The following PHF20L1 variants were observed in gnomAD, a reference collection of about 807,000 sequenced individuals.
PHF20L1 encodes the protein PHD finger protein 20-like protein 1.
A neutral mutation model predicts 125.5 loss-of-function variants in PHF20L1; 44 were observed. That is an observed-to-expected ratio of 0.35 (90% CI 0.28 to 0.45). The LOEUF is 0.45. Among genes scored for constraint, PHF20L1 ranks in the 20% least tolerant of loss-of-function variants. The pLI, the probability that PHF20L1 is intolerant of heterozygous loss-of-function variation, is 1.00. For synonymous variants in PHF20L1, 380 were observed against 403.1 expected (o/e 0.94, Z 0.69); for missense variants, 1,012 against 1,217.2 (o/e 0.83, Z 2.51).
chr8:132,805,869 T>C lies in PHF20L1; in HGVS notation c.847+1129T>C, dbSNP rs1833629667. 2.6e-5 allele frequency among the ~76,000 whole-genome samples: 4 copies of C among 152,134 alleles called. No homozygotes were observed. In the South Asian group the frequency reaches 8.3e-4, roughly 31 times the overall value. ...TGCCTGTCTCTGATAAAGGATATAC[T>C]TGGCCCCAGGAGAGGAAATATTTTA... On this transcript the variant is annotated intron_variant, in intron 8 of 20. Transcript: ENST00000395386.
intron 2 of PHF20L1, among the ~76,000 whole-genome samples, chr8:132,792,569 T>G (rs1043610963): frequency 6.6e-6 from 1 of 152,184 alleles, no homozygotes; most frequent in Admixed American, 6.5e-5. Context: ...AATGAGCAAA[T>G]TGCCTTTCTT....
chr8:132,824,032 AT>A lies in PHF20L1; in HGVS notation c.1610del (p.Leu537TrpfsTer65). 1 of 1,601,770 alleles carries A rather than the reference AT, an allele frequency of 6.2e-7. No homozygotes were observed. The highest frequency in any genetic ancestry group is 8.5e-7 in the Non-Finnish European group (1 of 1,171,088). On this transcript the variant is annotated frameshift_variant, in exon 13 of 21. Transcript: ENST00000395386. LOFTEE classifies it high-confidence loss of function. ...TATCGAAAACAGAAAAAAAAGTGAA[AT>A]TGGAAGACAAAAGCTCAACAGCATT... is the stretch of plus-strand genomic sequence containing the variant. ...GISKTEKKVK[L>X]EDKSSTAFGK...
Position 132,811,063 on chromosome 8 carries a change from G to A in PHF20L1, c.865G>A (p.Ala289Thr). 1 of 1,608,476 alleles carries A rather than the reference G, an allele frequency of 6.2e-7. No individual in the cohort carries two copies. The highest frequency in any genetic ancestry group is 8.5e-7 in the Non-Finnish European group (1 of 1,175,010). Residue 289 changes from alanine (A) to threonine (T), a missense_variant, in exon 9 of 21, where the codon GCT becomes ACT. Physicochemically the swap from Ala to Thr is moderately conservative, Grantham distance 58. Transcript: ENST00000395386. ...NKITGLLASK[A>T]VGVDGAEKKE... is the part of the protein sequence containing the mutation. ...TTCTCAAGGTTTGTTGGCATCCAAA[G>A]CTGTTGGGGTTGATGGTGCTGAAAA...
chr8:132,812,091 A>G (rs898276206), intron 9 of PHF20L1: 8 of 979,836 alleles, frequency 8.2e-6, no homozygotes, highest in African/African-American at 3.5e-5. Context: ...AAATTGATTA[A>G]TATGTCATTG....
rs1156805098 is a variant in PHF20L1 at position 132,804,684 on chromosome 8, A to G, written c.791A>G (p.Lys264Arg). The change falls in exon 8 of 21, where the codon AAA (lysine) becomes AGA (arginine). Residue 264 changes from lysine to arginine, a missense_variant. Physicochemically the swap from Lys to Arg is conservative, Grantham distance 26. This residue lies in a region of PHF20L1 where 134 missense variants were observed against 145.9 expected (regional missense o/e 0.92). Coordinates refer to ENST00000395386, the MANE Select transcript of PHF20L1 (RefSeq NM_016018.5). ...QPESTLSNKR[K>R]NNQGNSFQAK... ...GAGAGCACATTATCAAACAAGAGGA[A>G]AAATAATCAAGGCAACTCGTTTCAG... The G allele has an allele frequency of 1.9e-6, 3 of 1,610,624 alleles. No individual in the cohort carries two copies. Among genetic ancestry groups the G allele is most frequent in the Middle Eastern group, 3.3e-4 (2 of 6,062 alleles).
At chr8:132,826,665 A>C (rs1396345387) in intron 14 of PHF20L1, 1 of 152,080 alleles carries the variant, frequency 6.6e-6, no homozygotes, top group Admixed American at 6.6e-5. Flanking sequence ...AAGCATAAAG[A>C]AAAACTAGAG....
intron 8 of PHF20L1, 130 bp downstream of exon 8, chr8:132,804,870 T>C: frequency 3.8e-6 from 3 of 782,494 alleles, no homozygotes; most frequent in Non-Finnish European, 6.1e-6. Flanking sequence ...ACAATTACTT[T>C]GTGGTTCTTC....
intron 14 of PHF20L1, among the ~76,000 whole-genome samples, chr8:132,830,122 C>A (rs1836601794): frequency 1.3e-5 from 2 of 152,000 alleles, no homozygotes; most frequent in South Asian, 4.1e-4. Context: ...TCTCTGGAGG[C>A]TCTTAGGGAC....
chr8:132,795,224 C>T (rs993446038), intron 4 of PHF20L1, among the ~76,000 whole-genome samples: 2 of 152,030 alleles, frequency 1.3e-5, no homozygotes, highest in African/African-American at 4.8e-5. Flanking sequence ...AGGATATTTT[C>T]TGAGGAAAGA....
intron 2 of PHF20L1, among the ~76,000 whole-genome samples, chr8:132,789,639 G>T (rs148353203): frequency 2.4e-4 from 36 of 152,184 alleles, no homozygotes; most frequent in African/African-American, 8.7e-4. Context: ...TTTTCTGAGG[G>T]TAAACTCTTT....
At chr8:132,806,923 T>A (rs1833779799) in intron 8 of PHF20L1, 1 of 151,990 alleles carries the variant, frequency 6.6e-6, no homozygotes, top group Non-Finnish European at 1.5e-5. Context: ...ATTGGATAAC[T>A]TTAATTCATA....
chr8:132,812,155 T>C (rs914469604), intron 9 of PHF20L1: 57 of 979,576 alleles, frequency 5.8e-5, no homozygotes, highest in Non-Finnish European at 6.7e-5. Flanking sequence ...TTTGCCGTTA[T>C]TGTCAATATA....
At chr8:132,833,564 G>A (rs747132239) in intron 15 of PHF20L1, among the ~76,000 whole-genome samples, 10 of 152,006 alleles carry the variant, frequency 6.6e-5, no homozygotes, top group Non-Finnish European at 1.0e-4. Flanking sequence ...ATTTCTGGAA[G>A]GATCCTGGCA....
chr8:132,808,865 G>T (rs1177136140), intron 8 of PHF20L1: 5 of 140,818 alleles, frequency 3.6e-5, no homozygotes, highest in Admixed American at 7.1e-5. Flanking sequence ...CCAGGGTTTT[G>T]TTGTTGTTTT....
intron 2 of PHF20L1, among the ~76,000 whole-genome samples, chr8:132,780,429 G>T (rs184236595): frequency 1.3e-5 from 2 of 152,124 alleles, no homozygotes; most frequent in African/African-American, 4.8e-5. Flanking sequence ...TAAAATTATA[G>T]AATTATTTGA....
chr8:132,787,633 G>A (rs949643580), intron 2 of PHF20L1, among the ~76,000 whole-genome samples: 2 of 151,982 alleles, frequency 1.3e-5, no homozygotes, highest in Non-Finnish European at 2.9e-5. Context: ...TTTTGCTTTC[G>A]GTTTGTTGTT....
Position 132,841,007 on chromosome 8 carries a change from AG to A in PHF20L1, c.2387+1426del. Among the ~76,000 whole-genome samples, 4 of 152,200 alleles carry A rather than the reference AG, an allele frequency of 2.6e-5. No individual in the cohort carries two copies. The East Asian group carries it at 7.7e-4, about 29-fold the overall frequency. ...AATTTGTTTTTTAAAAGGCCATGTA[AG>A]TGCTAAGACTTAAGGGAGGGAATAA... is the stretch of plus-strand genomic sequence containing the variant. On this transcript the variant is annotated intron_variant, in intron 18 of 20. Coordinates refer to ENST00000395386, the MANE Select transcript of PHF20L1 (RefSeq NM_016018.5).
intron 1 of PHF20L1, among the ~76,000 whole-genome samples, chr8:132,776,561 C>T (rs1292417435): frequency 2.0e-5 from 3 of 152,160 alleles, no homozygotes; most frequent in African/African-American, 2.4e-5. Flanking sequence ...TACCCACTCT[C>T]CCCCTCCAAC....
intron 9 of PHF20L1, chr8:132,813,215 G>A (rs1563818446): frequency 1.7e-6 from 1 of 576,390 alleles, no homozygotes; most frequent in Non-Finnish European, 2.2e-6. Context: ...TACTTTTCTG[G>A]CAACACCTTT....
Sources: gnomAD v4.1 joint callset for allele counts (sites outside exome capture counted in the v4.1 genomes callset) on GRCh38, gnomAD v4.1.1 for gene constraint, gnomAD v4.1.1 regional missense constraint, MANE v1.5 for transcripts, NCBI Gene and HGNC (gene_info 2026-07-23, HGNC 2026-07-21) for gene names.